The following ROS1 variants were observed in gnomAD, a reference collection of about 807,000 sequenced individuals.
ROS1 encodes proto-oncogene tyrosine-protein kinase ROS.
ROS1 carries 263 observed loss-of-function variants against 273.5 expected under a neutral mutation model. The observed-to-expected ratio is 0.96, with a 90% CI of 0.87 to 1.06. The LOEUF is 1.06. ROS1 is among the 50% of genes least tolerant of loss of function. The pLI is 0.00. For synonymous variants in ROS1, 1,008 were observed against 954.1 expected (o/e 1.06, Z -1.04); for missense variants, 2,833 against 2,751.1 (o/e 1.03, Z -0.67).
chr6:117,349,756 T>G (rs1778661933), intron 27 of ROS1, among the ~76,000 whole-genome samples: 1 of 152,024 alleles, frequency 6.6e-6, no homozygotes, highest in African/African-American at 2.4e-5. Context: ...AAAATATTTT[T>G]CAGTGATTTG....
In ROS1 at chr6:117,288,584, C is replaced by T. The variant is rs768332561; in HGVS notation, c.6934G>A (p.Glu2312Lys). 73 of 1,614,046 alleles carry T rather than the reference C, an allele frequency of 4.5e-5. No individual in the cohort carries two copies. Among genetic ancestry groups the T allele is most frequent in the Non-Finnish European group, 6.2e-5 (73 of 1,180,026 alleles). Residue 2312 changes from glutamate to lysine, a missense_variant, in exon 44 of 44, where the codon GAA becomes AAA. By Grantham distance (56) the Glu-to-Lys change is moderately conservative. Coordinates refer to ENST00000368507, the MANE Select transcript of ROS1 (RefSeq NM_001378902.1). ...EPHADKDFCQ[E>K]KQVAYCPSGK... ...GAAGGGCAGTAAGCCACTTGTTTTTCTTGGCAGAAATCTTTGTCTGCATGT... is the reference window on the plus strand; with the variant it reads ...GAAGGGCAGTAAGCCACTTGTTTTTTTTGGCAGAAATCTTTGTCTGCATGT...
Position 117,357,970 on chromosome 6 carries a change from T to C in ROS1, c.3673A>G (p.Thr1225Ala). Residue 1225 changes from threonine (T) to alanine (A), a missense_variant, in exon 25 of 44, where the codon ACA becomes GCA. Transcript: ENST00000368507. The part of the protein sequence containing the change: ...DSLVFDITVI[T>A]IDWISRHLYF... ...AGGTGCCTTGAAATCCAGTCAATTG[T>C]AATAACTGTGATATCAAAAACCAGT... The C allele has an allele frequency of 6.2e-7, 1 of 1,613,674 alleles. No homozygotes were observed. Among genetic ancestry groups the C allele is most frequent in the Non-Finnish European group, 8.5e-7 (1 of 1,179,766 alleles).
intron 31 of ROS1, among the ~76,000 whole-genome samples, chr6:117,338,936 G>T (rs1245359925): frequency 2.0e-5 from 3 of 152,068 alleles, no homozygotes; most frequent in Middle Eastern, 3.2e-3. Flanking sequence ...GAAACTTATG[G>T]TTCTGCTAGG....
chr6:117,323,487 C>T (rs1266052730), intron 35 of ROS1, among the ~76,000 whole-genome samples: 1 of 152,054 alleles, frequency 6.6e-6, no homozygotes, highest in East Asian at 1.9e-4. Context: ...TCATGCCCTT[C>T]TTTTAATGAT....
chr6:117,323,750 C>A lies in ROS1; in HGVS notation c.5623+582G>T, dbSNP rs544248212. ...AGAAAAAAAATAGCTTTCTATCTAC[C>A]TAACCTAATTTTTCTGCCTTCCTGG... On this transcript the variant is annotated intron_variant, in intron 35 of 43. Coordinates refer to ENST00000368507, the MANE Select transcript of ROS1 (RefSeq NM_001378902.1). Among the ~76,000 whole-genome samples the A allele has an allele frequency of 2.4e-4, 37 of 152,116 alleles. No homozygotes were observed. In the South Asian group the frequency reaches 7.3e-3, roughly 30 times the overall value.
Position 117,329,468 on chromosome 6 carries a change from A to G in ROS1, c.5231-22T>C, listed in dbSNP as rs185613759. On this transcript the variant is annotated intron_variant, in intron 32 of 43. Transcript: ENST00000368507. Reference sequence around the variant, plus strand: ...CCAGCTTTAGGGAAAAAAAGAAAATATTGGTTGATATGTTTGAAGTATTAA... The same window carrying G: ...CCAGCTTTAGGGAAAAAAAGAAAATGTTGGTTGATATGTTTGAAGTATTAA... The G allele has an allele frequency of 6.5e-5, 70 of 1,082,238 alleles. No individual in the cohort carries two copies. In the African/African-American group the frequency reaches 8.4e-4, roughly 13 times the overall value. The allele number at this position is 1,082,238 out of a possible 1,614,324, so 67.0% of individuals were successfully genotyped here. A position where few individuals can be genotyped will look rare whatever the true frequency, so the allele number is the denominator to read the frequency against.
chr6:117,357,974 A>C lies in ROS1; in HGVS notation c.3669T>G (p.Val1223=). ...FQDSLVFDIT[V]ITIDWISRHL... is the part of the protein sequence containing the mutation. Reference sequence around the variant, plus strand: ...GCCTTGAAATCCAGTCAATTGTAATAACTGTGATATCAAAAACCAGTGAAT... The same window carrying C: ...GCCTTGAAATCCAGTCAATTGTAATCACTGTGATATCAAAAACCAGTGAAT... The change falls in exon 25 of 44, where the codon GTT becomes GTG. Residue 1223 remains valine, a synonymous_variant. Coordinates refer to ENST00000368507, the MANE Select transcript of ROS1 (RefSeq NM_001378902.1). 1 of 1,613,608 alleles carries C rather than the reference A, an allele frequency of 6.2e-7. No individual in the cohort carries two copies. Among genetic ancestry groups the C allele is most frequent in the South Asian group, 1.1e-5 (1 of 91,054 alleles).
rs1426025238 is a variant in ROS1 at position 117,396,196 on chromosome 6, G to T, written c.875C>A (p.Ser292Tyr). 1 of 1,612,858 alleles carries T rather than the reference G, an allele frequency of 6.2e-7. No individual in the cohort carries two copies. The highest frequency in any genetic ancestry group is 1.3e-5 in the African/African-American group (1 of 74,884). ...PEAESSITTS[S>Y]SAVQQEEQWL... ...AGAAGCCTGACCCATACCTGCTGAAGATGAAGTGGTAATACTAGATTCTGC... is the reference window on the plus strand; with the variant it reads ...AGAAGCCTGACCCATACCTGCTGAATATGAAGTGGTAATACTAGATTCTGC... Residue 292 changes from serine (S) to tyrosine (Y), a missense_variant, in exon 9 of 44, where the codon TCT (serine) becomes TAT (tyrosine). Coordinates refer to ENST00000368507, the MANE Select transcript of ROS1 (RefSeq NM_001378902.1).
At chr6:117,291,010 G>C (rs1773798605) in intron 43 of ROS1, among the ~76,000 whole-genome samples, 1 of 152,142 alleles carries the variant, frequency 6.6e-6, no homozygotes, top group Non-Finnish European at 1.5e-5. Flanking sequence ...GGTTTGCCTT[G>C]AAAGGTCTGT....
At chr6:117,394,437 A>C in intron 10 of ROS1, 91 bp from the exon 11 acceptor site, 2 of 881,014 alleles carry the variant, frequency 2.3e-6, no homozygotes, top group Non-Finnish European at 3.1e-6. Flanking sequence ...TTAATGATTA[A>C]TAAATTAAAA....
In ROS1 at chr6:117,365,102, T is replaced by C. The variant is rs765527922; in HGVS notation, c.3061A>G (p.Lys1021Glu). The C allele has an allele frequency of 6.2e-7, 1 of 1,611,408 alleles. No homozygotes were observed. The change falls in exon 21 of 44, where the codon AAG becomes GAG. Residue 1021 changes from lysine (K) to glutamate (E), a missense_variant. Coordinates refer to ENST00000368507, the MANE Select transcript of ROS1 (RefSeq NM_001378902.1). ...LSVTPYTYWG[K>E]GPKTSLSLRA... ...AGTGACAGAGATGTTTTGGGGCCCTTTCCCCAGTAGGTATAAGGAGTGACA... is the reference window on the plus strand; with the variant it reads ...AGTGACAGAGATGTTTTGGGGCCCTCTCCCCAGTAGGTATAAGGAGTGACA...
At chr6:117,314,333 C>T (rs936294410) in intron 39 of ROS1, among the ~76,000 whole-genome samples, 3 of 152,040 alleles carry the variant, frequency 2.0e-5, no homozygotes, top group Middle Eastern at 3.2e-3. Context: ...GGTAATTTAG[C>T]AGAGCCAAGA....
rs1250010417 is a variant in ROS1 at position 117,287,862 on chromosome 6, G to A, written c.*630C>T. Among the ~76,000 whole-genome samples, 1 of 150,326 alleles carries A rather than the reference G, an allele frequency of 6.7e-6. No homozygotes were observed. Among genetic ancestry groups the A allele is most frequent in the Non-Finnish European group, 1.5e-5 (1 of 67,852 alleles). ...TTGAACCCAGGAGGTGGAGTTTGCA[G>A]TGCCGAGATCGTGCCATTGAACTCC... On this transcript the variant is annotated 3_prime_UTR_variant, in exon 44 of 44. Transcript: ENST00000368507.
intron 27 of ROS1, among the ~76,000 whole-genome samples, chr6:117,351,035 G>A (rs1778809103): frequency 6.6e-6 from 1 of 152,066 alleles, no homozygotes; most frequent in South Asian, 2.1e-4. Flanking sequence ...ATGCCTTTTA[G>A]TATGCCTTGT....
At chr6:117,333,647 A>C (rs1438408129) in intron 32 of ROS1, among the ~76,000 whole-genome samples, 2 of 152,254 alleles carry the variant, frequency 1.3e-5, no homozygotes, top group Non-Finnish European at 2.9e-5. Context: ...ACCACGAACA[A>C]GTCGGCTTCA....
intron 41 of ROS1, 79 bp from the exon 42 acceptor site, chr6:117,309,007 T>C (rs2128546690): frequency 7.0e-7 from 1 of 1,420,058 alleles, no homozygotes; most frequent in South Asian, 1.3e-5. Flanking sequence ...ACAACATTTT[T>C]CCTGGGGCTA....
At position 117,352,975 on chromosome 6, in the gene ROS1, ATGTGACTTTATTACC is replaced by A; in HGVS notation, c.4303_4303+14del. The A allele has an allele frequency of 6.2e-7, 1 of 1,608,620 alleles. No individual in the cohort carries two copies. The highest frequency in any genetic ancestry group is 1.1e-5 in the South Asian group (1 of 90,026). On this transcript the variant is annotated splice_donor_variant and splice_donor_5th_base_variant and coding_sequence_variant and intron_variant, in exon 27 of 44. Coordinates refer to ENST00000368507, the MANE Select transcript of ROS1 (RefSeq NM_001378902.1). LOFTEE classifies it high-confidence loss of function. The stretch of plus-strand genomic sequence containing the variant: ...AATTGGGAGAACAAGCTGATTACGA[ATGTGACTTTATTACC>A]TGGAAAAGGCTGCATAACTGAACTG...
At chr6:117,409,856 T>C (rs879337613) in intron 4 of ROS1, among the ~76,000 whole-genome samples, 2 of 152,234 alleles carry the variant, frequency 1.3e-5, no homozygotes, top group Non-Finnish European at 2.9e-5. Flanking sequence ...TAGACTGGCA[T>C]TTCCCAAACT....
rs777878925 is a variant in ROS1 at position 117,396,178 on chromosome 6, T to C, written c.883+10A>G. Reference sequence around the variant, plus strand: ...TCCTGTGTAGCTAAAGGAAGAAGCCTGACCCATACCTGCTGAAGATGAAGT... The same window carrying C: ...TCCTGTGTAGCTAAAGGAAGAAGCCCGACCCATACCTGCTGAAGATGAAGT... On this transcript the variant is annotated intron_variant, in intron 9 of 43. Coordinates refer to ENST00000368507, the MANE Select transcript of ROS1 (RefSeq NM_001378902.1). 1 of 1,609,922 alleles carries C rather than the reference T, an allele frequency of 6.2e-7. No homozygotes were observed. The highest frequency in any genetic ancestry group is 8.5e-7 in the Non-Finnish European group (1 of 1,176,418).
Sources: allele counts gnomAD v4.1 joint callset (sites outside exome capture counted in the v4.1 genomes callset), GRCh38; gene constraint gnomAD v4.1.1; transcripts MANE v1.5; gene names NCBI Gene and HGNC (gene_info 2026-07-23, HGNC 2026-07-21).